Variants in PPARGC1A observed in about 807,000 individuals in gnomAD.
The protein encoded by PPARGC1A is peroxisome proliferator-activated receptor gamma coactivator 1-alpha.
Under a neutral mutation model 88.7 loss-of-function variants are expected in PPARGC1A, and 25 were observed. That is an observed-to-expected ratio of 0.28 (90% CI 0.21 to 0.39). The LOEUF (loss-of-function observed/expected upper bound fraction) is 0.39, where lower values mean the gene tolerates loss of function less well. Ranked by LOEUF, PPARGC1A falls within the 10% of genes least tolerant of loss-of-function variation. The pLI is 1.00. For synonymous variants in PPARGC1A, 363 were observed against 355.6 expected (o/e 1.02, Z -0.24); for missense variants, 880 against 968.7 (o/e 0.91, Z 1.22).
chr4:24,351,084 A>G, the PPARGC1A span, among the ~76,000 whole-genome samples: 1 of 152,174 alleles, frequency 6.6e-6, no homozygotes, highest in Non-Finnish European at 1.5e-5. Context: ...CACAAGAATT[A>G]GCTGGGAGCG....
At chr4:24,046,349 T>C in the PPARGC1A span, among the ~76,000 whole-genome samples, 1 of 152,190 alleles carries the variant, frequency 6.6e-6, no homozygotes, top group Non-Finnish European at 1.5e-5. Context: ...TCCTGTCCTC[T>C]CCACTCCCAT....
At chr4:23,905,975 A>T (rs1719981777), upstream of PPARGC1A, among the ~76,000 whole-genome samples, 1 of 152,184 alleles carries the variant, frequency 6.6e-6, no homozygotes. Context: ...CACCACACAC[A>T]TCCAGCTAAA....
intron 1 of PPARGC1A, among the ~76,000 whole-genome samples, chr4:23,895,734 G>A (rs889485561): frequency 6.6e-6 from 1 of 151,974 alleles, no homozygotes; most frequent in Non-Finnish European, 1.5e-5. Flanking sequence ...AGAGCAAGCA[G>A]GCAATATATA....
chr4:24,251,969 T>C, the PPARGC1A span, among the ~76,000 whole-genome samples: 3 of 152,216 alleles, frequency 2.0e-5, no homozygotes, highest in Admixed American at 2.0e-4. Flanking sequence ...TTACTAATAG[T>C]ACTTTATTAC....
At chr4:23,992,303 ATAT>A in the PPARGC1A span, among the ~76,000 whole-genome samples, 5 of 150,606 alleles carry the variant, frequency 3.3e-5, no homozygotes, top group East Asian at 4.0e-4. Context: ...TTATCAGATA[ATAT>A]TATTACTAGT....
chr4:23,834,193 G>A lies in PPARGC1A; in HGVS notation c.235-2442C>T, dbSNP rs767665141. ...CGGACGCCTGTAGTCCCAGCTACAC[G>A]GGAGGCTGAGGCAGGAGAATGGTGT... On this transcript the variant is annotated intron_variant, in intron 2 of 12. Transcript: ENST00000264867. 2.5e-4 allele frequency among the ~76,000 whole-genome samples: 38 copies of A among 152,198 alleles called. 1 individual carries two copies. Among genetic ancestry groups the A allele is most frequent in the Admixed American group, 1.7e-3 (26 of 15,288 alleles).
the PPARGC1A span, among the ~76,000 whole-genome samples, chr4:24,448,430 G>C: frequency 2.6e-5 from 4 of 152,136 alleles, no homozygotes; most frequent in Non-Finnish European, 5.9e-5. Flanking sequence ...TCTTGTTCTT[G>C]TTACAGCCCA....
chr4:24,412,809 C>T, the PPARGC1A span, among the ~76,000 whole-genome samples: 2 of 152,200 alleles, frequency 1.3e-5, no homozygotes, highest in African/African-American at 4.8e-5. Context: ...CACAGCCACA[C>T]CCACCATTTA....
the PPARGC1A span, among the ~76,000 whole-genome samples, chr4:24,432,099 A>C: frequency 6.6e-6 from 1 of 152,210 alleles, no homozygotes; most frequent in East Asian, 1.9e-4. Context: ...AGAGAGATGA[A>C]AGCAATCAGA....
the PPARGC1A span, among the ~76,000 whole-genome samples, chr4:24,063,349 G>C: frequency 2.9e-4 from 44 of 152,246 alleles, no homozygotes; most frequent in African/African-American, 1.1e-3. Flanking sequence ...CCTTTCTCCG[G>C]TGTGTTCAGG....
At chr4:23,989,205 T>G in the PPARGC1A span, among the ~76,000 whole-genome samples, 1 of 151,982 alleles carries the variant, frequency 6.6e-6, no homozygotes, top group Non-Finnish European at 1.5e-5. Flanking sequence ...CTTTAGAATT[T>G]GGGGTGAAGT....
Position 23,865,121 on chromosome 4 carries a change from G to A in PPARGC1A, c.234+19631C>T, listed in dbSNP as rs1711623394. On this transcript the variant is annotated intron_variant, in intron 2 of 12. Coordinates refer to ENST00000264867, the MANE Select transcript of PPARGC1A (RefSeq NM_013261.5). ...AATCACTTGAACCTGGGAGGTGGAG[G>A]TTGTAGTGAACCAAGATCATACCAC... Among the ~76,000 whole-genome samples, 3 of 152,142 alleles carry A rather than the reference G, an allele frequency of 2.0e-5. No homozygotes were observed. The South Asian group carries it at 6.2e-4, about 31-fold the overall frequency.
chr4:24,160,176 A>C, the PPARGC1A span, among the ~76,000 whole-genome samples: 1 of 152,258 alleles, frequency 6.6e-6, no homozygotes, highest in African/African-American at 2.4e-5. Context: ...CAGAAGAGGT[A>C]CTTCTTTCTC....
intron 2 of PPARGC1A, chr4:23,884,463 T>G (rs955433901): frequency 1.4e-4 from 53 of 391,530 alleles, no homozygotes; most frequent in Non-Finnish European, 2.2e-4. Flanking sequence ...TGTTCTTCTT[T>G]GTCACTAATC....
At chr4:24,250,844 C>T in the PPARGC1A span, among the ~76,000 whole-genome samples, 1,213 of 152,292 alleles carry the variant, frequency 8.0e-3, 8 homozygotes, top group African/African-American at 0.028. Flanking sequence ...GCTTCTCCCT[C>T]AGAATGTACA....
the PPARGC1A span, among the ~76,000 whole-genome samples, chr4:24,049,439 A>G: frequency 1.3e-5 from 2 of 151,246 alleles, no homozygotes; most frequent in Admixed American, 6.6e-5. Context: ...TCAGGAATAG[A>G]ATGGAGGGAT....
At chr4:23,925,373 AT>A in the PPARGC1A span, among the ~76,000 whole-genome samples, 1 of 152,220 alleles carries the variant, frequency 6.6e-6, no homozygotes, top group African/African-American at 2.4e-5. Flanking sequence ...AAATGAAAAC[AT>A]CTGATGAAGG....
chr4:24,368,349 A>C, the PPARGC1A span, among the ~76,000 whole-genome samples: 1 of 152,230 alleles, frequency 6.6e-6, no homozygotes, highest in Non-Finnish European at 1.5e-5. Context: ...GGACAGCCGC[A>C]GAAGGTTAAC....
At chr4:24,442,584 T>C in the PPARGC1A span, among the ~76,000 whole-genome samples, 1 of 152,224 alleles carries the variant, frequency 6.6e-6, no homozygotes, top group African/African-American at 2.4e-5. Context: ...GGGTAATCCA[T>C]TTGTTGACAG....
Sources: gnomAD v4.1 joint callset for allele counts (sites outside exome capture counted in the v4.1 genomes callset) on GRCh38, gnomAD v4.1.1 for gene constraint, MANE v1.5 for transcripts, NCBI Gene and HGNC (gene_info 2026-07-23, HGNC 2026-07-21) for gene names.